Variants in PTPN13 observed in about 807,000 individuals in gnomAD.
The protein encoded by PTPN13 is tyrosine-protein phosphatase non-receptor type 13.
PTPN13 carries 191 observed loss-of-function variants against 284.0 expected under a neutral mutation model. The observed-to-expected ratio is 0.67, with a 90% confidence interval of 0.60 to 0.76. The LOEUF (loss-of-function observed/expected upper bound fraction) is 0.76. Among genes scored for constraint, PTPN13 ranks in the 30% least tolerant of loss-of-function variants. PTPN13 has a pLI of 0.00. For synonymous variants in PTPN13, 986 were observed against 1,022.3 expected, an observed-to-expected ratio of 0.96 and a Z score of 0.68; for missense variants, 2,797 against 2,939.9, an observed-to-expected ratio of 0.95 and a Z score of 1.12.
intron 30 of PTPN13, among the ~76,000 whole-genome samples, 196 bp from the exon 31 acceptor site, chr4:86,770,975 T>C (rs538845042): frequency 9.8e-5 from 15 of 152,298 alleles, no homozygotes; most frequent in Non-Finnish European, 1.8e-4. Context: ...ACTACTGTAG[T>C]TCTAACTTAA....
Position 86,732,648 on chromosome 4 carries a change from C to A in PTPN13, c.1740C>A (p.Asn580Lys). The A allele has an allele frequency of 1.9e-6, 3 of 1,613,380 alleles. No homozygotes were observed. The highest frequency in any genetic ancestry group is 1.7e-4 in the Middle Eastern group (1 of 6,054). Residue 580 changes from asparagine (N) to lysine (K), a missense_variant, in exon 12 of 48, where the codon AAC (asparagine) becomes AAA (lysine). By Grantham distance (94) the Asn-to-Lys change is moderately conservative. Transcript: ENST00000411767. ...GGAAAGTAAACATAATGCTTCTGAA[C>A]GGGCAAAGACTGGAACTGACCTGTG... Reference protein sequence around the residue: ...NRRKVNIMLLNGQRLELTCDT... With the variant: ...NRRKVNIMLLKGQRLELTCDT...
rs773380468 is a variant in PTPN13 at position 86,763,159 on chromosome 4, C to T, written c.3986C>T (p.Ser1329Phe). 1.1e-5 allele frequency: 18 copies of T among 1,613,002 alleles called. No homozygotes were observed. The Admixed American group carries it at 1.3e-4, about 12-fold the overall frequency. The change falls in exon 24 of 48, where the codon TCC becomes TTC. Residue 1329 changes from serine to phenylalanine, a missense_variant. Transcript: ENST00000411767. ...TCAGACATGGATGAAGCCACTTACT[C>T]CAGCAGTCAGGATCATCAAACACCA... is the stretch of plus-strand genomic sequence containing the variant. The part of the protein sequence containing the change: ...GDSDMDEATY[S>F]SSQDHQTPKQ...
intron 33 of PTPN13, 105 bp downstream of exon 33, chr4:86,774,636 A>G: frequency 9.4e-7 from 1 of 1,059,414 alleles, no homozygotes. Flanking sequence ...TATTCGGTTT[A>G]TGCTTTCTGT....
At chr4:86,766,066 G>T (rs1739276459) in intron 26 of PTPN13, among the ~76,000 whole-genome samples, 1 of 152,146 alleles carries the variant, frequency 6.6e-6, no homozygotes, top group Non-Finnish European at 1.5e-5. Context: ...GACCTCAGGT[G>T]ATCCCCCCAC....
chr4:86,617,580 CT>C (rs1405000089), intron 1 of PTPN13, among the ~76,000 whole-genome samples: 5 of 152,232 alleles, frequency 3.3e-5, no homozygotes, highest in African/African-American at 1.2e-4. Flanking sequence ...CCCCCTTCCC[CT>C]TCCAGCATCT....
intron 1 of PTPN13, among the ~76,000 whole-genome samples, chr4:86,619,108 A>G (rs1328644181): frequency 6.6e-6 from 1 of 152,234 alleles, no homozygotes; most frequent in East Asian, 1.9e-4. Context: ...AATCAGTGGC[A>G]GAGAGCTACA....
rs553052640 is a variant in PTPN13 at position 86,624,390 on chromosome 4, T to C, written c.-5-10862T>C. On this transcript the variant is annotated intron_variant, in intron 1 of 47. Transcript: ENST00000411767. ...GAATACCCAGGGACCAGTGCTCTCA[T>C]TATAAGATGATATATGATTCTATAG... Among the ~76,000 whole-genome samples the C allele has an allele frequency of 3.3e-5, 5 of 152,276 alleles. No individual in the cohort carries two copies. The South Asian group carries it at 6.2e-4, about 19-fold the overall frequency.
chr4:86,735,612 T>C lies in PTPN13; in HGVS notation c.2170T>C (p.Phe724Leu). 1 of 1,612,954 alleles carries C rather than the reference T, an allele frequency of 6.2e-7. No homozygotes were observed. The highest frequency in any genetic ancestry group is 2.2e-5 in the East Asian group (1 of 44,840). The part of the protein sequence containing the change: ...YQPEVHGVSY[F>L]RMEHYLPARV... ...TATCTAGGTTCATGGTGTGTCTTAC[T>C]TTAGAATGGAGCACTATTTGCCCGC... Residue 724 changes from phenylalanine to leucine, a missense_variant, in exon 15 of 48, where the codon TTT becomes CTT. Coordinates refer to ENST00000411767, the MANE Select transcript of PTPN13 (RefSeq NM_080683.3).
intron 23 of PTPN13, among the ~76,000 whole-genome samples, chr4:86,762,379 A>G (rs1357544530): frequency 6.6e-6 from 1 of 152,122 alleles, no homozygotes; most frequent in Non-Finnish European, 1.5e-5. Context: ...AGGTCAATAT[A>G]AAGTAAGTGT....
intron 5 of PTPN13, among the ~76,000 whole-genome samples, chr4:86,692,190 A>G (rs1186656964): frequency 5.3e-5 from 8 of 152,188 alleles, no homozygotes; most frequent in Non-Finnish European, 1.0e-4. Flanking sequence ...TGTTCAATAA[A>G]CAACAGTTAT....
intron 2 of PTPN13, among the ~76,000 whole-genome samples, chr4:86,635,997 A>C (rs987246354): frequency 5.3e-5 from 8 of 152,078 alleles, no homozygotes; most frequent in African/African-American, 1.9e-4. Context: ...TCACACACGA[A>C]CACATTTGTA....
intron 17 of PTPN13, among the ~76,000 whole-genome samples, chr4:86,745,674 G>T (rs1459651717): frequency 1.3e-5 from 2 of 152,214 alleles, no homozygotes; most frequent in Non-Finnish European, 1.5e-5. Flanking sequence ...TACTTGGGAG[G>T]CTGAGGCAGG....
chr4:86,632,842 T>C (rs1180329010), intron 1 of PTPN13, among the ~76,000 whole-genome samples: 1 of 152,100 alleles, frequency 6.6e-6, no homozygotes, highest in Non-Finnish European at 1.5e-5. Flanking sequence ...ACGGTCTCAC[T>C]CTGTCAACCA....
chr4:86,765,824 TTTG>T (rs890122051), intron 26 of PTPN13, among the ~76,000 whole-genome samples: 2 of 151,930 alleles, frequency 1.3e-5, no homozygotes, highest in South Asian at 2.1e-4. Flanking sequence ...ACTTGTTTTT[TTTG>T]TTGTTGTTTT....
intron 2 of PTPN13, among the ~76,000 whole-genome samples, chr4:86,647,535 A>G (rs972917107): frequency 6.6e-6 from 1 of 151,820 alleles, no homozygotes; most frequent in African/African-American, 2.4e-5. Context: ...CATTTTTAAA[A>G]ATGAGAAAAA....
intron 1 of PTPN13, among the ~76,000 whole-genome samples, chr4:86,628,503 A>ATTTTTTTTTTTTTT (rs70948795): frequency 7.3e-6 from 1 of 136,776 alleles, no homozygotes. Flanking sequence ...TTTTTTTTTA[A>ATTTTTTTTTTTTTT]TTTTTTTTTT....
intron 40 of PTPN13, among the ~76,000 whole-genome samples, chr4:86,796,637 T>A (rs1743374674): frequency 6.6e-6 from 1 of 152,088 alleles, no homozygotes; most frequent in Non-Finnish European, 1.5e-5. Context: ...TCCATCTCTT[T>A]AAAAAAATGA....
chr4:86,607,815 CA>C (rs750147898), intron 1 of PTPN13, among the ~76,000 whole-genome samples: 3 of 151,904 alleles, frequency 2.0e-5, no homozygotes, highest in Admixed American at 1.3e-4. Flanking sequence ...TTTCTTTTTT[CA>C]AGGTCTTCCT....
intron 31 of PTPN13, among the ~76,000 whole-genome samples, 187 bp downstream of exon 31, chr4:86,771,722 C>T (rs1213737002): frequency 6.6e-6 from 1 of 152,224 alleles, no homozygotes; most frequent in Non-Finnish European, 1.5e-5. Flanking sequence ...CCAATAAGCT[C>T]TCTAGTCAGT....
Sources: allele counts gnomAD v4.1 joint callset (sites outside exome capture counted in the v4.1 genomes callset), GRCh38; gene constraint gnomAD v4.1.1; transcripts MANE v1.5; gene names NCBI Gene and HGNC (gene_info 2026-07-23, HGNC 2026-07-21).